Variants in DOCK9 observed in about 807,000 individuals in gnomAD.
DOCK9 encodes dedicator of cytokinesis 9.
DOCK9 carries 89 observed loss-of-function variants against 263.3 expected under a neutral mutation model. That is an observed-to-expected ratio of 0.34 (90% confidence interval 0.28 to 0.40). DOCK9 has a LOEUF of 0.40. Ranked by LOEUF, DOCK9 falls within the 10% of genes least tolerant of loss-of-function variation. The pLI, the probability that DOCK9 is intolerant of heterozygous loss-of-function variation, is 1.00. For missense variants in DOCK9, 2,140 were observed against 2,603.4 expected (o/e 0.82, Z 3.87); for synonymous variants, 976 against 973.1 (o/e 1.00, Z -0.06).
intron 22 of DOCK9, 50 bp downstream of exon 22, chr13:98,883,762 CA>C: frequency 7.7e-7 from 1 of 1,290,488 alleles, no homozygotes; most frequent in African/African-American, 1.5e-5. Flanking sequence ...CAAAATGGTG[CA>C]AACTTTGTCA....
intron 1 of DOCK9, among the ~76,000 whole-genome samples, chr13:99,049,080 A>G (rs945358009): frequency 6.6e-6 from 1 of 152,238 alleles, no homozygotes; most frequent in Non-Finnish European, 1.5e-5. Context: ...ACAGACTTCA[A>G]TCAATCACTC....
intron 39 of DOCK9, among the ~76,000 whole-genome samples, chr13:98,836,675 G>C (rs754883241): frequency 1.6e-4 from 25 of 152,132 alleles, no homozygotes; most frequent in Admixed American, 2.6e-4. Flanking sequence ...ACAAGAGAGG[G>C]GTGGCGGCTA....
rs75205686 is a variant in DOCK9 at position 98,902,294 on chromosome 13, C to T, written c.1374G>A (p.Pro458=). The T allele has an allele frequency of 0.015, 24,198 of 1,613,512 alleles. 311 individuals are homozygous for T. The highest frequency in any genetic ancestry group is 0.043 in the South Asian group (3,872 of 91,048). The part of the protein sequence containing the change: ...GILHEAAMQY[P]KQGIFSVTCP... ...CTGGGCTCATACTCCCCACCTGCTT[C>T]GGATACTGCATGGCGGCTTCATGAA... The change falls in exon 12 of 53, where the codon CCG becomes CCA. Residue 458 remains proline (P), a synonymous_variant. Coordinates refer to ENST00000682017, the MANE Select transcript of DOCK9 (RefSeq NM_001366683.2).
intron 1 of DOCK9, among the ~76,000 whole-genome samples, chr13:98,977,558 C>T (rs1875263846): frequency 6.6e-6 from 1 of 152,142 alleles, no homozygotes; most frequent in Non-Finnish European, 1.5e-5. Context: ...ACAAAGAAAC[C>T]TCCCAGAAAC....
chr13:98,892,858 C>T (rs948648893), intron 15 of DOCK9, among the ~76,000 whole-genome samples: 1 of 152,038 alleles, frequency 6.6e-6, no homozygotes, highest in Non-Finnish European at 1.5e-5. Context: ...GCATTTATTC[C>T]CCACCACGGT....
intron 1 of DOCK9, among the ~76,000 whole-genome samples, chr13:98,975,066 T>G (rs1567148973): frequency 6.6e-6 from 1 of 152,094 alleles, no homozygotes; most frequent in Non-Finnish European, 1.5e-5. Context: ...AGACCTAAAA[T>G]GAGATAATAT....
intron 1 of DOCK9, among the ~76,000 whole-genome samples, chr13:98,991,627 T>C (rs1387500746): frequency 3.3e-5 from 5 of 151,604 alleles, no homozygotes; most frequent in African/African-American, 1.2e-4. Flanking sequence ...ATTTTATCTG[T>C]TTTTTATGGT....
chr13:98,897,165 T>G (rs1377229090), intron 15 of DOCK9, among the ~76,000 whole-genome samples: 1 of 152,224 alleles, frequency 6.6e-6, no homozygotes, highest in African/African-American at 2.4e-5. Flanking sequence ...TCTTCCTGTT[T>G]GCACTTGCAG....
intron 1 of DOCK9, among the ~76,000 whole-genome samples, chr13:98,956,520 G>A (rs1786110864): frequency 6.6e-6 from 1 of 152,092 alleles, no homozygotes; most frequent in Admixed American, 6.5e-5. Context: ...GCCGAGATGG[G>A]TGGGTCACCT....
chr13:99,002,255 G>C (rs1210198869), intron 1 of DOCK9, among the ~76,000 whole-genome samples: 4 of 152,122 alleles, frequency 2.6e-5, no homozygotes, highest in African/African-American at 9.7e-5. Context: ...TTCTGATTCT[G>C]ATCCCACTCT....
At chr13:99,057,606 T>TTGC (rs1208877150) in intron 1 of DOCK9, among the ~76,000 whole-genome samples, 1 of 152,198 alleles carries the variant, frequency 6.6e-6, no homozygotes, top group East Asian at 1.9e-4. Flanking sequence ...TAACACTGAT[T>TTGC]TGCTGCTTTA....
At chr13:99,075,313 T>G (rs1181727481) in intron 1 of DOCK9, among the ~76,000 whole-genome samples, 1 of 151,862 alleles carries the variant, frequency 6.6e-6, no homozygotes, top group Non-Finnish European at 1.5e-5. Flanking sequence ...TAAGTGGACC[T>G]GTGGAGTTCA....
chr13:98,888,042 G>T (rs1464614061), intron 18 of DOCK9, 116 bp downstream of exon 18: 4 of 672,978 alleles, frequency 5.9e-6, no homozygotes, highest in Non-Finnish European at 1.0e-5. Context: ...ATATATTTTT[G>T]ATTTGTGTCA....
In DOCK9 at chr13:98,829,838, G is replaced by A. The variant is rs1370250843; in HGVS notation, c.4636-82C>T. On this transcript the variant is annotated intron_variant, in intron 41 of 52. Transcript: ENST00000682017. This position sits in a 1 kb window ranked among gnomAD's most constrained non-coding sequence, Gnocchi z 4.1. ...GGGCTTCTGCGTTCAGTTAGGATGT[G>A]CCTAAGGACCCAGCAAAGTGGGGGT... is the stretch of plus-strand genomic sequence containing the variant. 7 of 1,236,222 alleles carry A rather than the reference G, an allele frequency of 5.7e-6. No individual in the cohort carries two copies. Among genetic ancestry groups the A allele is most frequent in the Admixed American group, 4.0e-5 (2 of 50,398 alleles). The allele number at this position is 1,236,222 out of a possible 1,614,324, so 76.6% of individuals were successfully genotyped here. A position where few individuals can be genotyped will look rare whatever the true frequency, so the allele number is the denominator to read the frequency against.
chr13:98,956,137 G>C lies in DOCK9; in HGVS notation c.127-586C>G, dbSNP rs75804809. ...AAGAGGCTGGGTCACAGCCAGGGGGGCAGGTACTACTTAAACCAGGGCTCA... is the reference window on the plus strand; with the variant it reads ...AAGAGGCTGGGTCACAGCCAGGGGGCCAGGTACTACTTAAACCAGGGCTCA... On this transcript the variant is annotated intron_variant, in intron 1 of 52. Coordinates refer to ENST00000682017, the MANE Select transcript of DOCK9 (RefSeq NM_001366683.2). Among the ~76,000 whole-genome samples the C allele has an allele frequency of 4.2e-3, 639 of 152,350 alleles. 16 individuals carry two copies. Among genetic ancestry groups the C allele is most frequent in the East Asian group, 4.2e-3 (22 of 5,186 alleles).
At chr13:99,050,648 C>T (rs1271727310) in intron 1 of DOCK9, among the ~76,000 whole-genome samples, 1 of 152,076 alleles carries the variant, frequency 6.6e-6, no homozygotes, top group Non-Finnish European at 1.5e-5. Flanking sequence ...AGCTATTGCA[C>T]CACTCCACTC....
chr13:98,978,000 G>A lies in DOCK9; in HGVS notation c.-91C>T, dbSNP rs1458286124. ...GGCACAGGCATGCCAGTGGTCCAAG[G>A]AAGGAAAGGAAACTGGCTTCCCAGG... On this transcript the variant is annotated 5_prime_UTR_variant, in exon 1 of 53. Transcript: ENST00000682017. 1 of 1,466,224 alleles carries A rather than the reference G, an allele frequency of 6.8e-7. No homozygotes were observed. The highest frequency in any genetic ancestry group is 2.5e-5 in the East Asian group (1 of 39,874). 90.8% of individuals were successfully genotyped at this position (1,466,224 alleles called of 1,614,324 possible). A position where few individuals can be genotyped will look rare whatever the true frequency, so the allele number is the denominator to read the frequency against.
At chr13:98,975,922 T>C (rs1483182004) in intron 1 of DOCK9, among the ~76,000 whole-genome samples, 2 of 152,220 alleles carry the variant, frequency 1.3e-5, no homozygotes, top group Non-Finnish European at 2.9e-5. Context: ...TGCCTCCTTC[T>C]GAAAAATCAT....
intron 1 of DOCK9, among the ~76,000 whole-genome samples, chr13:98,969,700 G>A (rs868808058): frequency 2.6e-5 from 4 of 152,220 alleles, no homozygotes; most frequent in Admixed American, 1.3e-4. Context: ...TCCCAAAGAA[G>A]CTGGCATGTG....
Sources: allele counts gnomAD v4.1 joint callset (sites outside exome capture counted in the v4.1 genomes callset), GRCh38; gene constraint gnomAD v4.1.1; non-coding constraint Gnocchi (gnomAD v3.1); transcripts MANE v1.5; gene names NCBI Gene and HGNC (gene_info 2026-07-23, HGNC 2026-07-21).